MS4A7: variants seen among roughly 807,000 people sequenced by gnomAD.
MS4A7 encodes the protein membrane-spanning 4-domains subfamily A member 7.
MS4A7 carries 21 observed loss-of-function variants against 23.5 expected under a neutral mutation model. That is an observed-to-expected ratio of 0.89 (90% confidence interval 0.63 to 1.29). The LOEUF is 1.29. MS4A7 is among the 50% of genes most tolerant of loss of function. The probability of loss-of-function intolerance (pLI) is 0.00; values close to 1 mark genes in which losing one functional copy is unlikely to be tolerated. For synonymous variants in MS4A7, 111 were observed against 107.4 expected, an observed-to-expected ratio of 1.03 and a Z score of -0.21; for missense variants, 263 against 274.2, an observed-to-expected ratio of 0.96 and a Z score of 0.29.
At chr11:60,386,390 C>T in intron 3 of MS4A7, 1 of 258,778 alleles carries the variant, frequency 3.9e-6, no homozygotes, top group East Asian at 7.4e-5. Context: ...TGGTCCATCT[C>T]AACCTCCTCT....
At chr11:60,393,717 T>G in intron 6 of MS4A7, 70 bp from the exon 7 acceptor site, 3 of 1,227,292 alleles carry the variant, frequency 2.4e-6, no homozygotes, top group Non-Finnish European at 3.5e-6. Flanking sequence ...GGGGAAAAGG[T>G]ATTATGAGTT....
At chr11:60,389,752 C>T in intron 5 of MS4A7, 156 bp downstream of exon 5, 2 of 670,660 alleles carry the variant, frequency 3.0e-6, no homozygotes, top group Non-Finnish European at 5.3e-6. Context: ...GGCCTGTCTG[C>T]TGACTGCATG....
intron 4 of MS4A7, 83 bp downstream of exon 4, chr11:60,386,856 T>A (rs1324694304): frequency 4.2e-6 from 5 of 1,198,574 alleles, no homozygotes; most frequent in Non-Finnish European, 6.0e-6. Context: ...AAATCCCTAT[T>A]TTACAATTTA....
chr11:60,393,661 T>C (rs1234750350), intron 6 of MS4A7, 126 bp from the exon 7 acceptor site: 1 of 531,714 alleles, frequency 1.9e-6, no homozygotes, highest in African/African-American at 2.0e-5. Flanking sequence ...ATTGCTGCAA[T>C]TACATATTAT....
rs2085589415 is a variant in MS4A7, at chr11:60,394,476, C to G, written c.*615C>G. ...TCCAAATCTCTGCAATCCTGTGGCA[C>G]CAACCAGTGGTGCTCATTCTATTGT... On this transcript the variant is annotated 3_prime_UTR_variant, in exon 7 of 7. Coordinates refer to ENST00000300184, the MANE Select transcript of MS4A7 (RefSeq NM_021201.5). 1 of 152,676 alleles carries G rather than the reference C, an allele frequency of 6.5e-6. No homozygotes were observed. Among genetic ancestry groups the G allele is most frequent in the African/African-American group, 2.4e-5 (1 of 41,434 alleles). 9.5% of individuals were successfully genotyped at this position (152,676 alleles called of 1,614,324 possible).
chr11:60,380,160 T>G (rs953059823), intron 1 of MS4A7, among the ~76,000 whole-genome samples: 1 of 152,260 alleles, frequency 6.6e-6, no homozygotes, highest in South Asian at 2.1e-4. Flanking sequence ...GCTTTTAAAT[T>G]TAGGCTTTTT....
chr11:60,391,212 A>C (rs186281960), intron 5 of MS4A7, among the ~76,000 whole-genome samples: 5 of 152,346 alleles, frequency 3.3e-5, no homozygotes, highest in Non-Finnish European at 4.4e-5. Flanking sequence ...AGTTTCAAGA[A>C]AACCTTCCGT....
At position 60,383,058 on chromosome 11, in the gene MS4A7, T is replaced by C. The variant is rs1425602300; in HGVS notation, c.-13-71T>C. 2.0e-6 allele frequency: 3 copies of C among 1,515,888 alleles called. No homozygotes were observed. The African/African-American group carries it at 4.2e-5, about 21-fold the overall frequency. The allele number at this position is 1,515,888 out of a possible 1,614,324, so 93.9% of individuals were successfully genotyped here. ...AATACCTTCTTAAGTTCCTACAAAGTATGGTCCCTGGGAAGTTTATGTCTG... is the reference window on the plus strand; with the variant it reads ...AATACCTTCTTAAGTTCCTACAAAGCATGGTCCCTGGGAAGTTTATGTCTG... On this transcript the variant is annotated intron_variant, in intron 1 of 6. Coordinates refer to ENST00000300184, the MANE Select transcript of MS4A7 (RefSeq NM_021201.5).
intron 5 of MS4A7, among the ~76,000 whole-genome samples, chr11:60,390,939 T>C (rs2085543887): frequency 6.6e-6 from 1 of 152,102 alleles, no homozygotes; most frequent in African/African-American, 2.4e-5. Context: ...AGAAGAAAGA[T>C]GACTTAGGTT....
At position 60,392,660 on chromosome 11, in the gene MS4A7, C is replaced by T. The variant is rs1322784054; in HGVS notation, c.547-25C>T. 3 of 1,588,532 alleles carry T rather than the reference C, an allele frequency of 1.9e-6. No homozygotes were observed. In the South Asian group the frequency reaches 3.3e-5, roughly 18 times the overall value. On this transcript the variant is annotated intron_variant, in intron 5 of 6. Coordinates refer to ENST00000300184, the MANE Select transcript of MS4A7 (RefSeq NM_021201.5). ...ACAAGGGCTAGCTTGTCTTGGGTAC[C>T]AGCCATTCATGTCCTGATTTGCAGG...
rs138907936 is a variant in MS4A7, at chr11:60,384,192, A to T, written c.148-896A>T. 2.6e-4 allele frequency among the ~76,000 whole-genome samples: 39 copies of T among 152,330 alleles called. 2 individuals carry two copies. The highest frequency in any genetic ancestry group is 8.9e-4 in the African/African-American group (37 of 41,580). ...GGTAGGGTACTCTTTTAAAAATGAA[A>T]GTTAGATCATGTATTCTCCTGGCTC... is the stretch of plus-strand genomic sequence containing the variant. On this transcript the variant is annotated intron_variant, in intron 2 of 6. Transcript: ENST00000300184.
At chr11:60,382,491 G>A (rs529184164) in intron 1 of MS4A7, among the ~76,000 whole-genome samples, 1 of 152,280 alleles carries the variant, frequency 6.6e-6, no homozygotes, top group South Asian at 2.1e-4. Flanking sequence ...AAGTTACAGG[G>A]TTGTTATAAG....
At chr11:60,391,692 G>C (rs1216470283) in intron 5 of MS4A7, among the ~76,000 whole-genome samples, 1 of 152,156 alleles carries the variant, frequency 6.6e-6, no homozygotes, top group Non-Finnish European at 1.5e-5. Flanking sequence ...GCTGAGGCGG[G>C]TGGATCACCC....
At chr11:60,379,196 A>G (rs1471691978) in intron 1 of MS4A7, among the ~76,000 whole-genome samples, 1 of 152,238 alleles carries the variant, frequency 6.6e-6, no homozygotes, top group Non-Finnish European at 1.5e-5. Context: ...TGAAACATAA[A>G]GAATCTTGGT....
intron 5 of MS4A7, 87 bp from the exon 6 acceptor site, chr11:60,392,598 G>C (rs1335055887): frequency 2.1e-6 from 2 of 939,566 alleles, no homozygotes; most frequent in East Asian, 2.5e-5. Flanking sequence ...TCTCTGCATT[G>C]CTGGAGCCTC....
chr11:60,379,723 C>T (rs987030309), intron 1 of MS4A7, among the ~76,000 whole-genome samples: 1 of 152,006 alleles, frequency 6.6e-6, no homozygotes, highest in African/African-American at 2.4e-5. Flanking sequence ...TTAGTAGAGA[C>T]GGGGTTTCAC....
At chr11:60,383,412 G>A (rs1327100330) in intron 2 of MS4A7, 124 bp downstream of exon 2, 33 of 1,101,418 alleles carry the variant, frequency 3.0e-5, no homozygotes, top group East Asian at 1.5e-4. Flanking sequence ...GGCTAATGAG[G>A]ACATGAAATG....
intron 4 of MS4A7, 115 bp downstream of exon 4, chr11:60,386,888 G>C: frequency 1.1e-6 from 1 of 898,146 alleles, no homozygotes; most frequent in Non-Finnish European, 1.6e-6. Flanking sequence ...CTTAGAACAG[G>C]CTAGGAAGCC....
At chr11:60,381,318 A>G (rs1339421253) in intron 1 of MS4A7, among the ~76,000 whole-genome samples, 2 of 152,218 alleles carry the variant, frequency 1.3e-5, no homozygotes, top group African/African-American at 2.4e-5. Flanking sequence ...TCAAAATTCC[A>G]AGAAATGAAA....
Sources: allele counts gnomAD v4.1 joint callset (sites outside exome capture counted in the v4.1 genomes callset), GRCh38; gene constraint gnomAD v4.1.1; transcripts MANE v1.5; gene names NCBI Gene and HGNC (gene_info 2026-07-23, HGNC 2026-07-21).